The following SPATA31D3 variants were observed in gnomAD, a reference collection of about 807,000 sequenced individuals.
SPATA31D3 encodes the protein spermatogenesis-associated protein 31D3.
For synonymous variants in SPATA31D3, 27 were observed against 107.8 expected (o/e 0.25, Z 4.65); for missense variants, 91 against 297.9 (o/e 0.31, Z 5.11).
chr9:81,948,638 G>T lies in SPATA31D3; in HGVS notation c.*631G>T. ...CTGCCCATACTGCAAGCTGGAGTTG[G>T]CCGTGATTCAAGGGATAAGAGAGAG... On this transcript the variant is annotated 3_prime_UTR_variant, in exon 4 of 4. Transcript: ENST00000445385. The T allele has an allele frequency of 1.4e-5, 1 of 72,006 alleles. No homozygotes were observed. The allele number at this position is 72,006 out of a possible 1,614,324, so 4.5% of individuals were successfully genotyped here.
rs577619267 is a variant in SPATA31D3 at position 81,949,292 on chromosome 9, G to C, written c.*1285G>C. Reference sequence around the variant, plus strand: ...CATGCTATTCATAACAAGACATCAAGGGAGTCGCTTGGGAGCAAATCTTCC... The same window carrying C: ...CATGCTATTCATAACAAGACATCAACGGAGTCGCTTGGGAGCAAATCTTCC... On this transcript the variant is annotated 3_prime_UTR_variant, in exon 4 of 4. Coordinates refer to ENST00000445385, the MANE Select transcript of SPATA31D3 (RefSeq NM_207416.3). 3.0e-5 allele frequency: 11 copies of C among 371,208 alleles called. No homozygotes were observed. In the East Asian group the frequency reaches 6.4e-4, roughly 22 times the overall value. The allele number at this position is 371,208 out of a possible 1,614,324, so 23.0% of individuals were successfully genotyped here.
rs776675039 is a variant in SPATA31D3, at chr9:81,947,854, A to T, written c.2601A>T (p.Gln867His). Residue 867 changes from glutamine to histidine, a missense_variant, in exon 4 of 4, where the codon CAA becomes CAT. Physicochemically the swap from Gln to His is conservative, Grantham distance 24. Coordinates refer to ENST00000445385, the MANE Select transcript of SPATA31D3 (RefSeq NM_207416.3). ...GTCTTCCTGAGAAATCCCACAGCCAAATTAAACATCGAAATTTGGCAGCAT... is the reference window on the plus strand; with the variant it reads ...GTCTTCCTGAGAAATCCCACAGCCATATTAAACATCGAAATTTGGCAGCAT... ...TICLPEKSHS[Q>H]IKHRNLAALV... 7.5e-6 allele frequency: 12 copies of T among 1,610,546 alleles called. No individual in the cohort carries two copies. Among genetic ancestry groups the T allele is most frequent in the Non-Finnish European group, 7.6e-6 (9 of 1,178,920 alleles).
rs1172223866 is a variant in SPATA31D3 at position 81,947,851 on chromosome 9, C to T, written c.2598C>T (p.Ser866=). ...TATGTCTTCCTGAGAAATCCCACAG[C>T]CAAATTAAACATCGAAATTTGGCAG... ...QTICLPEKSH[S]QIKHRNLAAL... Residue 866 remains serine (S), a synonymous_variant, in exon 4 of 4, where the codon AGC becomes AGT. Coordinates refer to ENST00000445385, the MANE Select transcript of SPATA31D3 (RefSeq NM_207416.3). 2 of 1,610,106 alleles carry T rather than the reference C, an allele frequency of 1.2e-6. No individual in the cohort carries two copies.
In SPATA31D3 at chr9:81,949,356, C is replaced by T. The variant is rs182467412; in HGVS notation, c.*1349C>T. On this transcript the variant is annotated 3_prime_UTR_variant, in exon 4 of 4. Transcript: ENST00000445385. ...CACAGCCTCCTCCTGAAAACCTTTT[C>T]GGAACATTGATGAAGACCTTTTTGC... 45 of 352,844 alleles carry T rather than the reference C, an allele frequency of 1.3e-4. No individual in the cohort carries two copies. Among genetic ancestry groups the T allele is most frequent in the Admixed American group, 6.9e-4 (18 of 25,960 alleles). The allele number at this position is 352,844 out of a possible 1,614,324, so 21.9% of individuals were successfully genotyped here.
At position 81,949,765 on chromosome 9, in the gene SPATA31D3, C is replaced by T; in HGVS notation, c.*1758C>T. ...AGCTATCTTTGTCGGCCAGAATTAT[C>T]CTGCAATGATTAGACAGATCATAGA... On this transcript the variant is annotated 3_prime_UTR_variant, in exon 4 of 4. Transcript: ENST00000445385. 7.3e-7 allele frequency: 1 copy of T among 1,364,976 alleles called. No homozygotes were observed. Among genetic ancestry groups the T allele is most frequent in the East Asian group, 2.3e-5 (1 of 43,298 alleles). The allele number at this position is 1,364,976 out of a possible 1,614,324, so 84.6% of individuals were successfully genotyped here.
At position 81,949,778 on chromosome 9, in the gene SPATA31D3, G is replaced by C. The variant is rs1281080350; in HGVS notation, c.*1771G>C. 9 of 1,338,364 alleles carry C rather than the reference G, an allele frequency of 6.7e-6. No homozygotes were observed. The South Asian group carries it at 8.2e-5, about 12-fold the overall frequency. 82.9% of individuals were successfully genotyped at this position (1,338,364 alleles called of 1,614,324 possible). A position where few individuals can be genotyped will look rare whatever the true frequency, so the allele number is the denominator to read the frequency against. On this transcript the variant is annotated 3_prime_UTR_variant, in exon 4 of 4. Coordinates refer to ENST00000445385, the MANE Select transcript of SPATA31D3 (RefSeq NM_207416.3). ...GGCCAGAATTATCCTGCAATGATTA[G>C]ACAGATCATAGACAAGGACAGATAG...
Position 81,949,802 on chromosome 9 carries a change from AG to A in SPATA31D3, c.*1796del. On this transcript the variant is annotated 3_prime_UTR_variant, in exon 4 of 4. Transcript: ENST00000445385. ...AGACAGATCATAGACAAGGACAGAT[AG>A]CCCCAGGAAGTTGGACATTTAAGGG... The A allele has an allele frequency of 8.0e-7, 1 of 1,252,690 alleles. No individual in the cohort carries two copies. Among genetic ancestry groups the A allele is most frequent in the Non-Finnish European group, 1.2e-6 (1 of 859,502 alleles). 77.6% of individuals were successfully genotyped at this position (1,252,690 alleles called of 1,614,324 possible).
chr9:81,949,607 C>A lies in SPATA31D3; in HGVS notation c.*1600C>A. 1.4e-6 allele frequency: 1 copy of A among 705,774 alleles called. No individual in the cohort carries two copies. The highest frequency in any genetic ancestry group is 2.6e-6 in the Non-Finnish European group (1 of 389,226). The allele number at this position is 705,774 out of a possible 1,614,324, so 43.7% of individuals were successfully genotyped here. A position where few individuals can be genotyped will look rare whatever the true frequency, so the allele number is the denominator to read the frequency against. ...ATCACCTGTCCCCAGGAGCCCCTTT[C>A]CTCCCCAGTGCAGCTTGGGAAATCT... On this transcript the variant is annotated 3_prime_UTR_variant, in exon 4 of 4. Transcript: ENST00000445385.
At chr9:81,945,072 T>C in intron 2 of SPATA31D3, 100 bp from the exon 3 acceptor site, 1 of 401,290 alleles carries the variant, frequency 2.5e-6, no homozygotes, top group Non-Finnish European at 4.3e-6. Context: ...TTCTTGGGGC[T>C]ATCAGAGTTT....
At position 81,949,289 on chromosome 9, in the gene SPATA31D3, C is replaced by T. The variant is rs994496851; in HGVS notation, c.*1282C>T. ...AGCCATGCTATTCATAACAAGACAT[C>T]AAGGGAGTCGCTTGGGAGCAAATCT... is the stretch of plus-strand genomic sequence containing the variant. On this transcript the variant is annotated 3_prime_UTR_variant, in exon 4 of 4. Transcript: ENST00000445385. 1.1e-5 allele frequency: 4 copies of T among 372,218 alleles called. No individual in the cohort carries two copies. In the Admixed American group the frequency reaches 1.5e-4, roughly 14 times the overall value. The allele number at this position is 372,218 out of a possible 1,614,324, so 23.1% of individuals were successfully genotyped here. A position where few individuals can be genotyped will look rare whatever the true frequency, so the allele number is the denominator to read the frequency against.
Position 81,949,266 on chromosome 9 carries a change from C to A in SPATA31D3, c.*1259C>A. 2.7e-6 allele frequency: 1 copy of A among 376,328 alleles called. No homozygotes were observed. Among genetic ancestry groups the A allele is most frequent in the East Asian group, 5.6e-5 (1 of 18,016 alleles). 23.3% of individuals were successfully genotyped at this position (376,328 alleles called of 1,614,324 possible). ...GGACATCCCAACTCAGAAGAAAGAG[C>A]CATGCTATTCATAACAAGACATCAA... is the stretch of plus-strand genomic sequence containing the variant. On this transcript the variant is annotated 3_prime_UTR_variant, in exon 4 of 4. Transcript: ENST00000445385.
In SPATA31D3 at chr9:81,949,800, A is replaced by G; in HGVS notation, c.*1793A>G. On this transcript the variant is annotated 3_prime_UTR_variant, in exon 4 of 4. Coordinates refer to ENST00000445385, the MANE Select transcript of SPATA31D3 (RefSeq NM_207416.3). ...TTAGACAGATCATAGACAAGGACAG[A>G]TAGCCCCAGGAAGTTGGACATTTAA... 1.6e-6 allele frequency: 2 copies of G among 1,268,954 alleles called. No individual in the cohort carries two copies. The highest frequency in any genetic ancestry group is 2.3e-6 in the Non-Finnish European group (2 of 873,084). The allele number at this position is 1,268,954 out of a possible 1,614,324, so 78.6% of individuals were successfully genotyped here.
chr9:81,949,972 T>G lies in SPATA31D3; in HGVS notation c.*1965T>G, dbSNP rs1824007245. ...AAAACACTGTGTTCAGTGATGTGCC[T>G]TTACTAACTGGACAGAAAATACTTC... On this transcript the variant is annotated 3_prime_UTR_variant, in exon 4 of 4. Transcript: ENST00000445385. 2.4e-6 allele frequency: 1 copy of G among 414,208 alleles called. No individual in the cohort carries two copies. 25.7% of individuals were successfully genotyped at this position (414,208 alleles called of 1,614,324 possible). A position where few individuals can be genotyped will look rare whatever the true frequency, so the allele number is the denominator to read the frequency against.
At position 81,949,334 on chromosome 9, in the gene SPATA31D3, A is replaced by G; in HGVS notation, c.*1327A>G. 1.1e-5 allele frequency: 4 copies of G among 368,090 alleles called. No individual in the cohort carries two copies. The highest frequency in any genetic ancestry group is 2.1e-5 in the Non-Finnish European group (4 of 188,198). The allele number at this position is 368,090 out of a possible 1,614,324, so 22.8% of individuals were successfully genotyped here. On this transcript the variant is annotated 3_prime_UTR_variant, in exon 4 of 4. Coordinates refer to ENST00000445385, the MANE Select transcript of SPATA31D3 (RefSeq NM_207416.3). ...AAATCTTCCCCAACCTTGAAAACAC[A>G]GCCTCCTCCTGAAAACCTTTTCGGA...
In SPATA31D3 at chr9:81,949,391, A is replaced by G. The variant is rs1276594552; in HGVS notation, c.*1384A>G. On this transcript the variant is annotated 3_prime_UTR_variant, in exon 4 of 4. Transcript: ENST00000445385. ...ATGAAGACCTTTTTGCAGCAGTCTA[A>G]TAAACCCATCATAACATATGGAAAA... 8 of 363,654 alleles carry G rather than the reference A, an allele frequency of 2.2e-5. No homozygotes were observed. The highest frequency in any genetic ancestry group is 4.3e-5 in the Non-Finnish European group (8 of 184,186). 22.5% of individuals were successfully genotyped at this position (363,654 alleles called of 1,614,324 possible). A position where few individuals can be genotyped will look rare whatever the true frequency, so the allele number is the denominator to read the frequency against.
In SPATA31D3 at chr9:81,945,169, C is replaced by G; in HGVS notation, c.233-3C>G. ...GCATGTAACATGCTGTTCTGGTTTC[C>G]AGACCGGAAAAGTTTGCAGAAGGAA... On this transcript the variant is annotated splice_region_variant and splice_polypyrimidine_tract_variant and intron_variant, in intron 2 of 3. Coordinates refer to ENST00000445385, the MANE Select transcript of SPATA31D3 (RefSeq NM_207416.3). The G allele has an allele frequency of 9.8e-7, 1 of 1,023,590 alleles. No homozygotes were observed. The highest frequency in any genetic ancestry group is 1.3e-6 in the Non-Finnish European group (1 of 773,062). 63.4% of individuals were successfully genotyped at this position (1,023,590 alleles called of 1,614,324 possible). A position where few individuals can be genotyped will look rare whatever the true frequency, so the allele number is the denominator to read the frequency against.
At position 81,945,751 on chromosome 9, in the gene SPATA31D3, G is replaced by C. The variant is rs1445668039; in HGVS notation, c.498G>C (p.Ser166=). 1.8e-5 allele frequency: 1 copy of C among 56,506 alleles called. No homozygotes were observed. The highest frequency in any genetic ancestry group is 2.9e-4 in the South Asian group (1 of 3,454). The allele number at this position is 56,506 out of a possible 1,614,324, so 3.5% of individuals were successfully genotyped here. Residue 166 remains serine, a synonymous_variant, in exon 4 of 4, where the codon TCG becomes TCC. Transcript: ENST00000445385. ...LASSASGAES[S]FTLASTPSAT... is the part of the protein sequence containing the mutation. The stretch of plus-strand genomic sequence containing the variant: ...CTTCAGCTTCTGGGGCTGAGTCATC[G>C]TTCACTCTGGCTTCCACCCCCTCAG...
At position 81,949,805 on chromosome 9, in the gene SPATA31D3, C is replaced by G. The variant is rs1823998734; in HGVS notation, c.*1798C>G. On this transcript the variant is annotated 3_prime_UTR_variant, in exon 4 of 4. Coordinates refer to ENST00000445385, the MANE Select transcript of SPATA31D3 (RefSeq NM_207416.3). The stretch of plus-strand genomic sequence containing the variant: ...CAGATCATAGACAAGGACAGATAGC[C>G]CCAGGAAGTTGGACATTTAAGGGGA... The G allele has an allele frequency of 8.0e-7, 1 of 1,245,768 alleles. No individual in the cohort carries two copies. Among genetic ancestry groups the G allele is most frequent in the Admixed American group, 1.7e-5 (1 of 57,820 alleles). The allele number at this position is 1,245,768 out of a possible 1,614,324, so 77.2% of individuals were successfully genotyped here. A position where few individuals can be genotyped will look rare whatever the true frequency, so the allele number is the denominator to read the frequency against.
rs778645896 is a variant in SPATA31D3 at position 81,947,829 on chromosome 9, G to A, written c.2576G>A (p.Cys859Tyr). Residue 859 changes from cysteine (C) to tyrosine (Y), a missense_variant, in exon 4 of 4, where the codon TGT (cysteine) becomes TAT (tyrosine). Cys to Tyr is a radical substitution (Grantham distance 194, BLOSUM62 -2). Coordinates refer to ENST00000445385, the MANE Select transcript of SPATA31D3 (RefSeq NM_207416.3). ...SSWHSVKQTICLPEKSHSQIK... is the reference protein window; with the variant it reads ...SSWHSVKQTIYLPEKSHSQIK... ...TGGCACTCAGTCAAGCAGACAATAT[G>A]TCTTCCTGAGAAATCCCACAGCCAA... is the stretch of plus-strand genomic sequence containing the variant. 1.1e-5 allele frequency: 18 copies of A among 1,602,906 alleles called. No homozygotes were observed. The Admixed American group carries it at 2.9e-4, about 26-fold the overall frequency.
Sources: allele counts gnomAD v4.1 joint callset, GRCh38; gene constraint gnomAD v4.1.1; transcripts MANE v1.5; gene names NCBI Gene and HGNC (gene_info 2026-07-23, HGNC 2026-07-21).